Variants in GBE1 observed in about 807,000 individuals in gnomAD.
GBE1 encodes the protein 1,4-alpha-glucan branching enzyme 1, also known as 1,4-alpha-glucan-branching enzyme.
Under a neutral mutation model 88.8 loss-of-function variants are expected in GBE1, and 70 were observed. The observed-to-expected ratio is 0.79, with a 90% CI of 0.65 to 0.96. The LOEUF (loss-of-function observed/expected upper bound fraction) is 0.96. GBE1 is among the 40% of genes least tolerant of loss of function. The probability of loss-of-function intolerance (pLI) is 0.00; values close to 1 mark genes in which losing one functional copy is unlikely to be tolerated. For synonymous variants in GBE1, 284 were observed against 300.1 expected (o/e 0.95, Z 0.56); for missense variants, 872 against 871.0 (o/e 1.00, Z -0.01).
In GBE1 at chr3:81,649,941, T is replaced by C. The variant is rs1274454478; in HGVS notation, c.430-20A>G. On this transcript the variant is annotated intron_variant, in intron 3 of 15. Coordinates refer to ENST00000429644, the MANE Select transcript of GBE1 (RefSeq NM_000158.4). ...AACTACCTAAAAAGAGAATGACATG[T>C]TATTGCTTTAAAATACATCCAGAAC... 3 of 1,587,716 alleles carry C rather than the reference T, an allele frequency of 1.9e-6. No individual in the cohort carries two copies. Among genetic ancestry groups the C allele is most frequent in the East Asian group, 4.5e-5 (2 of 44,408 alleles).
At chr3:81,752,347 T>C (rs1038484249) in intron 1 of GBE1, among the ~76,000 whole-genome samples, 1 of 152,218 alleles carries the variant, frequency 6.6e-6, no homozygotes, top group Non-Finnish European at 1.5e-5. Flanking sequence ...TCTACATTAG[T>C]CTTATTTTCA....
In GBE1 at chr3:81,705,562, A is replaced by G. The variant is rs1399020199; in HGVS notation, c.195T>C (p.Gly65=). 10 of 1,585,942 alleles carry G rather than the reference A, an allele frequency of 6.3e-6. No individual in the cohort carries two copies. In the South Asian group the frequency reaches 1.2e-4, roughly 18 times the overall value. ...ILKNIGENEG[G]IDKFSRGYES... is the part of the protein sequence containing the mutation. Reference sequence around the variant, plus strand: ...CATAGCCTCTGGAAAACTTATCAATACCACCTTCATTTTCTCCAATGTTCT... The same window carrying G: ...CATAGCCTCTGGAAAACTTATCAATGCCACCTTCATTTTCTCCAATGTTCT... Residue 65 remains glycine, a synonymous_variant, in exon 2 of 16, where the codon GGT becomes GGC. Transcript: ENST00000429644.
At chr3:81,605,809 G>C (rs1278946566) in intron 7 of GBE1, among the ~76,000 whole-genome samples, 1 of 152,156 alleles carries the variant, frequency 6.6e-6, no homozygotes, top group Non-Finnish European at 1.5e-5. Context: ...GATGTGTAAA[G>C]GAATGGGCAT....
intron 1 of GBE1, among the ~76,000 whole-genome samples, chr3:81,737,966 T>C (rs1372391762): frequency 6.6e-6 from 1 of 151,990 alleles, no homozygotes; most frequent in Admixed American, 6.6e-5. Context: ...TGTGTTCTCA[T>C]TGTTCAATTC....
intron 7 of GBE1, among the ~76,000 whole-genome samples, chr3:81,594,713 C>T (rs1207303762): frequency 6.6e-6 from 1 of 151,876 alleles, no homozygotes; most frequent in African/African-American, 2.4e-5. Flanking sequence ...GTTTAAGAGT[C>T]CTACATCCAT....
chr3:81,585,892 C>T (rs1042709921), intron 10 of GBE1, among the ~76,000 whole-genome samples, 200 bp downstream of exon 10: 10 of 152,148 alleles, frequency 6.6e-5, no homozygotes, highest in African/African-American at 1.2e-4. Context: ...TGCCTGAATA[C>T]GTATGAATAC....
chr3:81,749,870 T>C (rs1275086858), intron 1 of GBE1, among the ~76,000 whole-genome samples: 4 of 152,216 alleles, frequency 2.6e-5, no homozygotes, highest in Non-Finnish European at 5.9e-5. Context: ...TCCTCTGACT[T>C]TATAGGTACT....
chr3:81,749,461 T>C (rs1575776866), intron 1 of GBE1, among the ~76,000 whole-genome samples: 1 of 148,854 alleles, frequency 6.7e-6, no homozygotes, highest in South Asian at 2.1e-4. Flanking sequence ...TAGGGATGGG[T>C]GGGGGAGGGG....
chr3:81,672,865 T>C (rs1434392123), intron 2 of GBE1, among the ~76,000 whole-genome samples: 1 of 151,972 alleles, frequency 6.6e-6, no homozygotes, highest in Non-Finnish European at 1.5e-5. Flanking sequence ...AAACTCATTT[T>C]ATGCCATTTT....
At chr3:81,687,316 G>A (rs568977660) in intron 2 of GBE1, among the ~76,000 whole-genome samples, 6 of 152,168 alleles carry the variant, frequency 3.9e-5, no homozygotes, top group Non-Finnish European at 7.3e-5. Context: ...GCAAACAGAT[G>A]TACAATATTA....
chr3:81,649,828 A>G lies in GBE1; in HGVS notation c.523T>C (p.Trp175Arg). ...VREGDNVNYDWIHWDPEHSYE... is the reference protein window; with the variant it reads ...VREGDNVNYDRIHWDPEHSYE... ...GAGTGTTCTGGATCCCAGTGTATCC[A>G]ATCATAATTCACATTATCACCTTCA... is the stretch of plus-strand genomic sequence containing the variant. The change falls in exon 4 of 16, where the codon TGG (tryptophan) becomes CGG (arginine). Residue 175 changes from tryptophan to arginine, a missense_variant. By Grantham distance (101) the Trp-to-Arg change is moderately radical (BLOSUM62 -3). Coordinates refer to ENST00000429644, the MANE Select transcript of GBE1 (RefSeq NM_000158.4). The G allele has an allele frequency of 5.0e-6, 8 of 1,611,436 alleles. No homozygotes were observed. The highest frequency in any genetic ancestry group is 5.9e-6 in the Non-Finnish European group (7 of 1,178,132).
intron 1 of GBE1, among the ~76,000 whole-genome samples, chr3:81,716,342 CT>C (rs980279685): frequency 6.6e-6 from 1 of 152,080 alleles, no homozygotes; most frequent in African/African-American, 2.4e-5. Context: ...AAATTATTAT[CT>C]TTTAAAAGTT....
In GBE1 at chr3:81,550,139, AC is replaced by A. The variant is rs1369898134; in HGVS notation, c.1619-13045del. ...CATGGAAAGCCTTCTAATTCAGTTTACTTGAGATAATTTTACTTATTTTACT... is the reference window on the plus strand; with the variant it reads ...CATGGAAAGCCTTCTAATTCAGTTTATTGAGATAATTTTACTTATTTTACT... On this transcript the variant is annotated intron_variant, in intron 12 of 15. Coordinates refer to ENST00000429644, the MANE Select transcript of GBE1 (RefSeq NM_000158.4). Among the ~76,000 whole-genome samples the A allele has an allele frequency of 8.6e-5, 13 of 151,594 alleles. 1 individual carries two copies.
intron 14 of GBE1, among the ~76,000 whole-genome samples, chr3:81,499,765 C>G (rs1702561253): frequency 6.6e-6 from 1 of 152,134 alleles, no homozygotes; most frequent in Admixed American, 6.6e-5. Flanking sequence ...AGAAATGCAT[C>G]ATTGCATCTG....
At chr3:81,692,186 A>G (rs1705530696) in intron 2 of GBE1, among the ~76,000 whole-genome samples, 1 of 152,214 alleles carries the variant, frequency 6.6e-6, no homozygotes, top group African/African-American at 2.4e-5. Context: ...TATATTCACC[A>G]TATTTTTATT....
intron 14 of GBE1, among the ~76,000 whole-genome samples, chr3:81,520,300 T>G (rs952603376): frequency 2.0e-4 from 31 of 151,704 alleles, no homozygotes; most frequent in African/African-American, 6.5e-4. Flanking sequence ...TGTCTCCGCA[T>G]CACATTTTGG....
chr3:81,580,829 A>C (rs1703717973), intron 11 of GBE1, among the ~76,000 whole-genome samples: 1 of 152,096 alleles, frequency 6.6e-6, no homozygotes, highest in Non-Finnish European at 1.5e-5. Flanking sequence ...GGAAACTAAA[A>C]TAAACCTGGT....
intron 14 of GBE1, among the ~76,000 whole-genome samples, chr3:81,533,832 G>A (rs1703039841): frequency 1.3e-5 from 2 of 151,990 alleles, no homozygotes; most frequent in South Asian, 2.1e-4. Context: ...GTATCTGAAG[G>A]TGGGTGACAC....
chr3:81,670,980 C>A, intron 2 of GBE1, 27 bp from the exon 3 acceptor site: 1 of 1,152,634 alleles, frequency 8.7e-7, no homozygotes, highest in South Asian at 1.5e-5. Flanking sequence ...GATCAGTTAA[C>A]AACAGCATGA....
Sources: allele counts gnomAD v4.1 joint callset (sites outside exome capture counted in the v4.1 genomes callset), GRCh38; gene constraint gnomAD v4.1.1; transcripts MANE v1.5; gene names NCBI Gene and HGNC (gene_info 2026-07-23, HGNC 2026-07-21).